The following RIMS2 variants were observed in gnomAD, a reference collection of about 807,000 sequenced individuals.
RIMS2 encodes the protein regulating synaptic membrane exocytosis 2.
A neutral mutation model predicts 174.4 loss-of-function variants in RIMS2; 59 were observed. The observed-to-expected ratio is 0.34, with a 90% CI of 0.27 to 0.42. The LOEUF is 0.42. RIMS2 is among the 10% of genes least tolerant of loss of function. The pLI is 1.00. For synonymous variants in RIMS2, 606 were observed against 572.5 expected, an observed-to-expected ratio of 1.06 and a Z score of -0.84; for missense variants, 1,620 against 1,666.3, an observed-to-expected ratio of 0.97 and a Z score of 0.48.
intron 2 of RIMS2, among the ~76,000 whole-genome samples, chr8:103,761,936 A>AT (rs933044074): frequency 7.3e-5 from 11 of 150,726 alleles, no homozygotes; most frequent in South Asian, 2.1e-4. Context: ...GAATTACTCT[A>AT]TTTTTTTGTC....
chr8:103,692,735 AT>A (rs1311417904), intron 1 of RIMS2, among the ~76,000 whole-genome samples: 1 of 152,142 alleles, frequency 6.6e-6, no homozygotes, highest in East Asian at 1.9e-4. Flanking sequence ...CTGGTACCAT[AT>A]TCTACTGTGG....
intron 19 of RIMS2, among the ~76,000 whole-genome samples, chr8:104,070,829 G>A (rs750440375): frequency 8.6e-5 from 13 of 151,964 alleles, no homozygotes; most frequent in African/African-American, 1.2e-4. Flanking sequence ...ATAAAGTCAC[G>A]ATAAAACAAG....
chr8:103,590,283 G>A (rs147905223), intron 1 of RIMS2, among the ~76,000 whole-genome samples: 86 of 151,394 alleles, frequency 5.7e-4, no homozygotes, highest in Non-Finnish European at 1.1e-3. Context: ...AAAACTGTTA[G>A]AACTTTTAAA....
intron 1 of RIMS2, among the ~76,000 whole-genome samples, chr8:103,611,171 T>C (rs1247938166): frequency 6.6e-6 from 1 of 152,140 alleles, no homozygotes. Flanking sequence ...TGTATTTCTA[T>C]GGGGTTAGTG....
exon 17 of RIMS2, chr8:103,989,384 C>A (rs1312275741): frequency 6.2e-7 from 1 of 1,610,382 alleles, no homozygotes; most frequent in Non-Finnish European, 8.5e-7. Flanking sequence ...GGACAGACAT[C>A]GTGTCATGGA....
chr8:103,673,963 C>G (rs2096777136), intron 1 of RIMS2, among the ~76,000 whole-genome samples: 1 of 152,226 alleles, frequency 6.6e-6, no homozygotes, highest in Non-Finnish European at 1.5e-5. Flanking sequence ...GAGGCCACAT[C>G]TTGAACTTTT....
In RIMS2 at chr8:103,594,864, A is replaced by G. The variant is rs948610623; in HGVS notation, c.176+93802A>G. Among the ~76,000 whole-genome samples, 5 of 151,948 alleles carry G rather than the reference A, an allele frequency of 3.3e-5. No homozygotes were observed. The South Asian group carries it at 1.0e-3, about 31-fold the overall frequency. On this transcript the variant is annotated intron_variant, in intron 1 of 23. Coordinates refer to ENST00000504942, the Ensembl canonical transcript of RIMS2. ...TATAAGTATGTTTCACCTGGCTGCT[A>G]TCCCTATAAGACATGGGAGAAAGTC... is the stretch of plus-strand genomic sequence containing the variant.
intron 1 of RIMS2, among the ~76,000 whole-genome samples, chr8:103,616,390 G>C (rs2095505384): frequency 6.6e-6 from 1 of 152,230 alleles, no homozygotes; most frequent in Non-Finnish European, 1.5e-5. Context: ...ATAGCCACCT[G>C]TGACAAACCC....
intron 1 of RIMS2, among the ~76,000 whole-genome samples, chr8:103,561,508 C>G (rs925941916): frequency 6.6e-6 from 1 of 152,064 alleles, no homozygotes; most frequent in Non-Finnish European, 1.5e-5. Context: ...TCAAGAGATA[C>G]ATAAACATTA....
intron 19 of RIMS2, among the ~76,000 whole-genome samples, chr8:104,156,835 G>A (rs1277385083): frequency 2.6e-5 from 4 of 152,052 alleles, no homozygotes; most frequent in African/African-American, 4.8e-5. Flanking sequence ...TTTTTGAACA[G>A]CATTCAGACC....
intron 2 of RIMS2, among the ~76,000 whole-genome samples, chr8:103,751,694 C>T (rs995545079): frequency 3.1e-4 from 47 of 151,428 alleles, no homozygotes; most frequent in South Asian, 2.1e-4. Flanking sequence ...TCTCTGATGG[C>T]CAGTGATGGT....
Position 103,779,506 on chromosome 8 carries a change from C to T in RIMS2, c.698+12969C>T, listed in dbSNP as rs1592169825. ...AGCACAGTGTATTGAAAAGACTATC[C>T]TTTCACCCTATGAATGTTCTTGGTG... On this transcript the variant is annotated intron_variant, in intron 3 of 23. Coordinates refer to ENST00000504942, the Ensembl canonical transcript of RIMS2. Among the ~76,000 whole-genome samples, 4 of 151,950 alleles carry T rather than the reference C, an allele frequency of 2.6e-5. No individual in the cohort carries two copies. In the Middle Eastern group the frequency reaches 0.01, roughly 388 times the overall value.
chr8:103,978,182 T>C (rs1391775991), intron 16 of RIMS2, among the ~76,000 whole-genome samples: 1 of 152,234 alleles, frequency 6.6e-6, no homozygotes, highest in Non-Finnish European at 1.5e-5. Context: ...TTTCATATTA[T>C]ACCACACTTT....
chr8:103,519,198 A>G (rs1586669496), intron 1 of RIMS2, among the ~76,000 whole-genome samples: 1 of 152,138 alleles, frequency 6.6e-6, no homozygotes, highest in Non-Finnish European at 1.5e-5. Context: ...CATATATACT[A>G]TATATCCTGA....
chr8:104,094,838 A>G, intron 19 of RIMS2: 1 of 578,584 alleles, frequency 1.7e-6, no homozygotes, highest in Non-Finnish European at 3.0e-6. Flanking sequence ...TGTTTTATCT[A>G]TTTAGCTTCT....
intron 1 of RIMS2, among the ~76,000 whole-genome samples, chr8:103,613,511 C>T (rs1284193869): frequency 6.6e-6 from 1 of 152,224 alleles, no homozygotes; most frequent in Non-Finnish European, 1.5e-5. Flanking sequence ...TAAGCCTGGG[C>T]TCAGGGACCT....
chr8:103,768,346 C>A, intron 3 of RIMS2: 1 of 698,368 alleles, frequency 1.4e-6, no homozygotes. Context: ...ATGATAAACG[C>A]AAACTCTGCA....
rs559333319 is a variant in RIMS2, at chr8:103,631,098, T to C, written c.177-65988T>C. On this transcript the variant is annotated intron_variant, in intron 1 of 23. Coordinates refer to ENST00000504942, the Ensembl canonical transcript of RIMS2. ...CTGTTTACTCTGTTGATAGTTTCTT[T>C]TGCTGTGCAGAAACTGTTAAGTTTA... 1.3e-3 allele frequency among the ~76,000 whole-genome samples: 198 copies of C among 152,370 alleles called. 1 individual carries two copies. Among genetic ancestry groups the C allele is most frequent in the African/African-American group, 4.3e-3 (179 of 41,590 alleles).
intron 1 of RIMS2, among the ~76,000 whole-genome samples, chr8:103,610,477 T>C (rs1024555273): frequency 4.6e-5 from 7 of 152,210 alleles, no homozygotes; most frequent in African/African-American, 1.7e-4. Context: ...TTGTCATAGA[T>C]GGTTCTTATT....
Sources: gnomAD v4.1 joint callset for allele counts (sites outside exome capture counted in the v4.1 genomes callset) on GRCh38, gnomAD v4.1.1 for gene constraint, MANE v1.5 for transcripts, NCBI Gene and HGNC (gene_info 2026-07-23, HGNC 2026-07-21) for gene names.